MAP4K3: variants seen among roughly 807,000 people sequenced by gnomAD.
MAP4K3 encodes the protein MAPK/ERK kinase kinase kinase 3.
Under a neutral mutation model 143.5 loss-of-function variants are expected in MAP4K3, and 94 were observed. The observed-to-expected ratio is 0.65, with a 90% CI of 0.55 to 0.78. The LOEUF is 0.78. Ranked by LOEUF, MAP4K3 falls within the 30% of genes least tolerant of loss-of-function variation. The probability of loss-of-function intolerance (pLI) is 0.00; values close to 1 mark genes in which losing one functional copy is unlikely to be tolerated. For missense variants in MAP4K3, 1,077 were observed against 1,068.1 expected (o/e 1.01, Z -0.12); for synonymous variants, 416 against 347.2 (o/e 1.20, Z -2.20).
intron 26 of MAP4K3, among the ~76,000 whole-genome samples, chr2:39,269,398 G>GT (rs1035076570): frequency 3.5e-4 from 52 of 150,708 alleles, no homozygotes; most frequent in African/African-American, 1.2e-3. Context: ...TTAGACATCT[G>GT]TGTCATTCAG....
In MAP4K3 at chr2:39,333,138, C is replaced by T. The variant is rs1438683054; in HGVS notation, c.457+394G>A. On this transcript the variant is annotated intron_variant, in intron 7 of 33. Coordinates refer to ENST00000263881, the MANE Select transcript of MAP4K3 (RefSeq NM_003618.4). ...AAATTACATTCTTAAGTAAGTAATG[C>T]TGTATTTTATTTTAAAAGCTTTATG... 2.0e-5 allele frequency among the ~76,000 whole-genome samples: 3 copies of T among 152,056 alleles called. No individual in the cohort carries two copies. In the East Asian group the frequency reaches 5.8e-4, roughly 29 times the overall value.
chr2:39,293,264 G>A lies in MAP4K3; in HGVS notation c.1183C>T (p.Leu395Phe). The change falls in exon 17 of 34, where the codon CTT becomes TTT. Residue 395 changes from leucine to phenylalanine, a missense_variant. Coordinates refer to ENST00000263881, the MANE Select transcript of MAP4K3 (RefSeq NM_003618.4). ...GGYFLGANKS[L>F]LKSVEEELHQ... ...AATTCTTCTTCAACAGACTTGAGAA[G>A]ACTCCTTAAAAGAAAAAACAAAAAC... 6.5e-7 allele frequency: 1 copy of A among 1,539,474 alleles called. No homozygotes were observed.
chr2:39,419,442 T>C (rs186393722), intron 1 of MAP4K3, among the ~76,000 whole-genome samples: 1 of 152,316 alleles, frequency 6.6e-6, no homozygotes, highest in East Asian at 1.9e-4. Context: ...TTCTCTACAT[T>C]TTAATTCAAA....
intron 12 of MAP4K3, among the ~76,000 whole-genome samples, chr2:39,316,466 C>G (rs1399045738): frequency 6.6e-6 from 1 of 152,024 alleles, no homozygotes. Context: ...GAACTGGAGA[C>G]TTGACTGATT....
intron 18 of MAP4K3, among the ~76,000 whole-genome samples, chr2:39,291,194 T>G (rs971946328): frequency 6.6e-6 from 1 of 152,218 alleles, no homozygotes; most frequent in African/African-American, 2.4e-5. Context: ...ATTACCCTGA[T>G]CAGATCACTA....
chr2:39,408,561 A>C (rs577083397), intron 1 of MAP4K3, among the ~76,000 whole-genome samples: 1 of 151,104 alleles, frequency 6.6e-6, no homozygotes, highest in South Asian at 2.1e-4. Flanking sequence ...GGAGAAAACT[A>C]TGCCCAGATG....
Position 39,259,910 on chromosome 2 carries a change from A to G in MAP4K3, c.2308+696T>C, listed in dbSNP as rs367985450. ...CAAGAGACATTGTTATTTAAAATACATATCACCAAAATCAAATAACAACCC... is the reference window on the plus strand; with the variant it reads ...CAAGAGACATTGTTATTTAAAATACGTATCACCAAAATCAAATAACAACCC... On this transcript the variant is annotated intron_variant, in intron 29 of 33. Coordinates refer to ENST00000263881, the MANE Select transcript of MAP4K3 (RefSeq NM_003618.4). 1.6e-4 allele frequency among the ~76,000 whole-genome samples: 25 copies of G among 152,348 alleles called. No homozygotes were observed. The East Asian group carries it at 3.1e-3, about 19-fold the overall frequency.
chr2:39,389,849 G>C (rs867751109), intron 1 of MAP4K3, among the ~76,000 whole-genome samples: 1 of 152,062 alleles, frequency 6.6e-6, no homozygotes, highest in South Asian at 2.1e-4. Context: ...ACCAATCTTG[G>C]GTAGAGATAA....
chr2:39,433,701 A>G (rs1320101242), intron 1 of MAP4K3, among the ~76,000 whole-genome samples: 1 of 152,212 alleles, frequency 6.6e-6, no homozygotes, highest in Non-Finnish European at 1.5e-5. Flanking sequence ...CTGAGGCCCA[A>G]CTAAAGAGCT....
intron 1 of MAP4K3, among the ~76,000 whole-genome samples, chr2:39,400,070 A>G (rs1230697819): frequency 1.3e-5 from 2 of 152,144 alleles, no homozygotes; most frequent in African/African-American, 2.4e-5. Context: ...ATGTACCTCA[A>G]ATTAATCCCC....
chr2:39,268,634 ATTTTTTTTTTTTTT>A (rs70954799), intron 26 of MAP4K3, among the ~76,000 whole-genome samples: 1 of 73,772 alleles, frequency 1.4e-5, no homozygotes, highest in Non-Finnish European at 2.4e-5. Context: ...GATTTTTTCT[ATTTTTTTTTTTTTT>A]TTTTTTTTTG....
intron 1 of MAP4K3, among the ~76,000 whole-genome samples, chr2:39,409,416 T>C (rs958332116): frequency 1.3e-5 from 2 of 152,196 alleles, no homozygotes; most frequent in African/African-American, 4.8e-5. Context: ...CACTCTAATA[T>C]TGCTGAACTT....
chr2:39,250,772 T>A (rs1270854615), intron 33 of MAP4K3, 67 bp from the exon 34 acceptor site: 2 of 1,267,956 alleles, frequency 1.6e-6, no homozygotes, highest in East Asian at 4.9e-5. Flanking sequence ...GCTCCCAAAT[T>A]TTCCATTGCT....
intron 1 of MAP4K3, among the ~76,000 whole-genome samples, chr2:39,424,137 T>C (rs1305677793): frequency 1.3e-5 from 2 of 152,100 alleles, no homozygotes; most frequent in African/African-American, 2.4e-5. Context: ...AGAGACAGGG[T>C]TTCACCATGT....
chr2:39,332,205 T>C (rs535755777), intron 7 of MAP4K3, among the ~76,000 whole-genome samples: 7 of 152,058 alleles, frequency 4.6e-5, no homozygotes, highest in Non-Finnish European at 7.4e-5. Context: ...AAGATTCCCA[T>C]ATATCCCCAC....
chr2:39,261,299 G>C (rs1460076005), intron 28 of MAP4K3, among the ~76,000 whole-genome samples: 6 of 145,498 alleles, frequency 4.1e-5, no homozygotes, highest in Non-Finnish European at 7.6e-5. Flanking sequence ...AATCAACTCA[G>C]TTATAATACA....
At chr2:39,361,654 G>A (rs1573198352) in intron 2 of MAP4K3, among the ~76,000 whole-genome samples, 1 of 151,304 alleles carries the variant, frequency 6.6e-6, no homozygotes. Context: ...GTTTAAACTT[G>A]CTTTTAAAAT....
chr2:39,385,033 G>A (rs572828580), intron 1 of MAP4K3, among the ~76,000 whole-genome samples: 1 of 152,104 alleles, frequency 6.6e-6, no homozygotes, highest in Non-Finnish European at 1.5e-5. Flanking sequence ...CCAAGTTGTT[G>A]CATATATCAT....
intron 1 of MAP4K3, among the ~76,000 whole-genome samples, chr2:39,432,770 A>T (rs1665330393): frequency 6.6e-6 from 1 of 152,238 alleles, no homozygotes; most frequent in South Asian, 2.1e-4. Context: ...TCCTTATTTT[A>T]CTGCCCAATC....
Sources: gnomAD v4.1 joint callset for allele counts (sites outside exome capture counted in the v4.1 genomes callset) on GRCh38, gnomAD v4.1.1 for gene constraint, MANE v1.5 for transcripts, NCBI Gene and HGNC (gene_info 2026-07-23, HGNC 2026-07-21) for gene names.